The following TMEM130 variants were observed in gnomAD, a reference collection of about 807,000 sequenced individuals.
The protein encoded by TMEM130 is transmembrane protein 130.
Under a neutral mutation model 42.9 loss-of-function variants are expected in TMEM130, and 37 were observed. The observed-to-expected ratio is 0.86, with a 90% confidence interval of 0.66 to 1.13. The LOEUF (loss-of-function observed/expected upper bound fraction) is 1.13, where lower values mean the gene tolerates loss of function less well. Among genes scored for constraint, TMEM130 ranks in the 50% most tolerant of loss-of-function variants. The pLI, the probability that TMEM130 is intolerant of heterozygous loss-of-function variation, is 0.00. For missense variants in TMEM130, 545 were observed against 562.6 expected (o/e 0.97, Z 0.32); for synonymous variants, 259 against 237.7 (o/e 1.09, Z -0.82).
chr7:98,865,551 T>A (rs1340158464), intron 1 of TMEM130, among the ~76,000 whole-genome samples: 1 of 152,124 alleles, frequency 6.6e-6, no homozygotes, highest in African/African-American at 2.4e-5. Flanking sequence ...GAGGTTGCAG[T>A]GAGCCAAGAT....
In TMEM130 at chr7:98,863,392, C is replaced by A; in HGVS notation, c.94G>T (p.Glu32Ter). Reference sequence around the variant, plus strand: ...GGGCTATCGGTGGTGAGATTGAGTTCATACAGGCCTAGGAGCCCAGAAACA... The same window carrying A: ...GGGCTATCGGTGGTGAGATTGAGTTAATACAGGCCTAGGAGCCCAGAAACA... The part of the protein sequence containing the change: ...APAGVAAGLY[E>*]LNLTTDSPAT... The change falls in exon 2 of 8, where the codon GAA becomes TAA. Residue 32 changes from glutamate (E) to a stop codon, truncating the protein, a stop_gained. Transcript: ENST00000339375. LOFTEE classifies it high-confidence loss of function. The A allele has an allele frequency of 6.3e-7, 1 of 1,588,352 alleles. No individual in the cohort carries two copies. Among genetic ancestry groups the A allele is most frequent in the Non-Finnish European group, 8.5e-7 (1 of 1,170,740 alleles).
At chr7:98,860,157 C>A (rs377047308) in intron 3 of TMEM130, 22 bp downstream of exon 3, 87 of 1,606,558 alleles carry the variant, frequency 5.4e-5, no homozygotes, top group Non-Finnish European at 7.1e-5. Flanking sequence ...GCTGTAGGGC[C>A]TGCAGAGGGG....
intron 1 of TMEM130, among the ~76,000 whole-genome samples, chr7:98,868,099 G>A (rs1554400886): frequency 6.6e-6 from 1 of 152,154 alleles, no homozygotes; most frequent in Admixed American, 6.6e-5. Flanking sequence ...TGTGGTGGCA[G>A]GCGCCTGTAA....
At chr7:98,849,495 T>G (rs1562904323) in intron 6 of TMEM130, among the ~76,000 whole-genome samples, 1 of 152,148 alleles carries the variant, frequency 6.6e-6, no homozygotes, top group Non-Finnish European at 1.5e-5. Context: ...GATTGGAACT[T>G]GGTCCCCAGA....
intron 5 of TMEM130, among the ~76,000 whole-genome samples, chr7:98,852,372 C>T (rs1446308722): frequency 4.6e-5 from 7 of 152,038 alleles, no homozygotes; most frequent in Non-Finnish European, 7.4e-5. Context: ...TCAGGTGACC[C>T]GCCCGCCTCG....
chr7:98,864,709 G>A (rs1435846738), intron 1 of TMEM130, among the ~76,000 whole-genome samples: 1 of 151,972 alleles, frequency 6.6e-6, no homozygotes, highest in Non-Finnish European at 1.5e-5. Context: ...GACCAGCCTG[G>A]CCAACATGGT....
chr7:98,856,250 G>A, intron 3 of TMEM130, 67 bp from the exon 4 acceptor site: 2 of 1,514,720 alleles, frequency 1.3e-6, no homozygotes, highest in Non-Finnish European at 1.8e-6. Flanking sequence ...CTGTAACTCA[G>A]AAGTGATTCA....
At chr7:98,853,021 C>T (rs1794546711) in intron 5 of TMEM130, among the ~76,000 whole-genome samples, 1 of 152,166 alleles carries the variant, frequency 6.6e-6, no homozygotes, top group African/African-American at 2.4e-5. Context: ...AAGTTATCCA[C>T]ATTCCACAAG....
chr7:98,869,799 C>A lies in TMEM130; in HGVS notation c.63G>T (p.Trp21Cys), dbSNP rs782818970. 25 of 1,434,304 alleles carry A rather than the reference C, an allele frequency of 1.7e-5. No individual in the cohort carries two copies. The highest frequency in any genetic ancestry group is 2.2e-5 in the Non-Finnish European group (24 of 1,094,816). 88.8% of individuals were successfully genotyped at this position (1,434,304 alleles called of 1,614,324 possible). A position where few individuals can be genotyped will look rare whatever the true frequency, so the allele number is the denominator to read the frequency against. The change falls in exon 1 of 8, where the codon TGG (tryptophan) becomes TGT (cysteine). Residue 21 changes from tryptophan (W) to cysteine (C), a missense_variant. Trp to Cys is a radical substitution (Grantham distance 215, BLOSUM62 -2). Transcript: ENST00000339375. The surrounding 1 kb of genome is among the most constrained non-coding windows in gnomAD (Gnocchi z 4.7). ...TACCTGCGGCCACCCCTGCCGGGGC[C>A]CAGGGCAGGAGGCAGGCAAGCCAGA... ...RILWLACLLP[W>C]APAGVAAGLY...
chr7:98,857,816 C>T (rs1794670267), intron 3 of TMEM130, among the ~76,000 whole-genome samples: 2 of 151,358 alleles, frequency 1.3e-5, no homozygotes. Context: ...CCTCCTCCTA[C>T]CCGGTTCAAA....
chr7:98,855,175 G>A (rs1193883519), intron 5 of TMEM130, 65 bp downstream of exon 5: 1 of 1,440,820 alleles, frequency 6.9e-7, no homozygotes, highest in Non-Finnish European at 9.6e-7. Context: ...CAGACTTGGG[G>A]TCATCGTGAA....
At chr7:98,850,273 A>ATATATATATATTTTTTTTTTT in intron 6 of TMEM130, among the ~76,000 whole-genome samples, 12 of 35,458 alleles carry the variant, frequency 3.4e-4, no homozygotes, top group South Asian at 1.1e-3. Flanking sequence ...ATATATATAT[A>ATATATATATATTTTTTTTTTT]TTTTTTTTTT....
chr7:98,850,307 C>A (rs1305970560), intron 6 of TMEM130, among the ~76,000 whole-genome samples: 1 of 86,228 alleles, frequency 1.2e-5, no homozygotes, highest in Non-Finnish European at 2.7e-5. Flanking sequence ...GAGACAAGAG[C>A]CTCTCTGTGG....
chr7:98,864,630 G>A (rs1794869125), intron 1 of TMEM130, among the ~76,000 whole-genome samples: 1 of 151,986 alleles, frequency 6.6e-6, no homozygotes, highest in Admixed American at 6.5e-5. Flanking sequence ...CAGGCATCAT[G>A]GCTCATGCCT....
chr7:98,863,536 C>G (rs1794836890), intron 1 of TMEM130, 136 bp from the exon 2 acceptor site: 1 of 819,140 alleles, frequency 1.2e-6, no homozygotes, highest in African/African-American at 1.7e-5. Context: ...GTGACTTGCC[C>G]AAGGGTCACT....
intron 1 of TMEM130, among the ~76,000 whole-genome samples, chr7:98,863,811 C>CT (rs1794846779): frequency 6.8e-6 from 1 of 146,972 alleles, no homozygotes; most frequent in African/African-American, 2.5e-5. Flanking sequence ...TCTTTCTCTT[C>CT]TTTCTTTTTT....
intron 3 of TMEM130, among the ~76,000 whole-genome samples, chr7:98,859,712 T>TA (rs1554399474): frequency 7.1e-6 from 1 of 141,126 alleles, no homozygotes; most frequent in African/African-American, 2.4e-5. Flanking sequence ...CAGTCTCTAC[T>TA]AAAAAATATA....
intron 5 of TMEM130, among the ~76,000 whole-genome samples, chr7:98,854,474 C>T (rs1200006534): frequency 2.0e-5 from 3 of 152,190 alleles, no homozygotes; most frequent in African/African-American, 7.2e-5. Flanking sequence ...TGTGGTGGCT[C>T]ATGCCTGTAA....
At chr7:98,863,646 T>TTCCTTCCCTCCTTCC (rs1230652270) in intron 1 of TMEM130, among the ~76,000 whole-genome samples, 6 of 136,476 alleles carry the variant, frequency 4.4e-5, no homozygotes, top group African/African-American at 1.1e-4. Context: ...TCCCTCCTTC[T>TTCCTTCCCTCCTTCC]TCCTTCCCTC....
Sources: allele counts gnomAD v4.1 joint callset (sites outside exome capture counted in the v4.1 genomes callset), GRCh38; gene constraint gnomAD v4.1.1; non-coding constraint Gnocchi (gnomAD v3.1); transcripts MANE v1.5; gene names NCBI Gene and HGNC (gene_info 2026-07-23, HGNC 2026-07-21).